Variants in DPP10 observed in about 807,000 individuals in gnomAD.
DPP10 encodes the protein dipeptidyl peptidase like 10, also known as inactive dipeptidyl peptidase 10.
In DPP10, 33 loss-of-function variants were observed where a neutral mutation model predicts 120.9. The ratio of observed to expected loss-of-function variants is 0.27; its 90% CI spans 0.21 to 0.37. The LOEUF (loss-of-function observed/expected upper bound fraction) is 0.37, where lower values mean the gene tolerates loss of function less well. DPP10 is among the 10% of genes least tolerant of loss of function. The probability of loss-of-function intolerance (pLI) is 1.00; values close to 1 mark genes in which losing one functional copy is unlikely to be tolerated. For missense variants in DPP10, 816 were observed against 942.8 expected, an observed-to-expected ratio of 0.87 and a Z score of 1.76; for synonymous variants, 337 against 326.1, an observed-to-expected ratio of 1.03 and a Z score of -0.36.
At chr2:114,572,402 G>A (rs1231705426) in intron 1 of DPP10, among the ~76,000 whole-genome samples, 1 of 152,168 alleles carries the variant, frequency 6.6e-6, no homozygotes, top group Non-Finnish European at 1.5e-5. Flanking sequence ...TTGTGAAGTA[G>A]ACGAAAAGAT....
At chr2:115,155,810 T>G (rs551165007) in intron 1 of DPP10, among the ~76,000 whole-genome samples, 1 of 152,358 alleles carries the variant, frequency 6.6e-6, no homozygotes, top group South Asian at 2.1e-4. Context: ...ATGATTCTTA[T>G]GAAGGTGTTA....
chr2:114,934,732 A>G (rs1203766589), intron 1 of DPP10, among the ~76,000 whole-genome samples: 1 of 152,100 alleles, frequency 6.6e-6, no homozygotes, highest in Non-Finnish European at 1.5e-5. Context: ...ACAAGATGGC[A>G]TATAGGAGGT....
In DPP10 at chr2:115,791,177, A is replaced by G. The variant is rs1284052061; in HGVS notation, c.1628A>G (p.Tyr543Cys). The change falls in exon 18 of 26, where the codon TAT becomes TGT. Residue 543 changes from tyrosine to cysteine, a missense_variant and splice_region_variant. Physicochemically the swap from Tyr to Cys is radical, Grantham distance 194. Transcript: ENST00000410059. ...ATTAAAATCCTTCATATTGACGACT[A>G]TGGTAAAATTTTGTGCATGCTATGT... Reference protein sequence around the residue: ...PEIKILHIDDYELPLQLSLPK... With the variant: ...PEIKILHIDDCELPLQLSLPK... 1.2e-6 allele frequency: 2 copies of G among 1,613,122 alleles called. No individual in the cohort carries two copies. Among genetic ancestry groups the G allele is most frequent in the Non-Finnish European group, 8.5e-7 (1 of 1,179,496 alleles).
intron 1 of DPP10, among the ~76,000 whole-genome samples, chr2:114,752,045 C>T (rs972957853): frequency 6.6e-6 from 1 of 152,026 alleles, no homozygotes; most frequent in Non-Finnish European, 1.5e-5. Flanking sequence ...TAGTTCCTAC[C>T]CCCAGAATTT....
At chr2:115,535,870 A>C (rs1023312765) in intron 5 of DPP10, among the ~76,000 whole-genome samples, 15 of 151,964 alleles carry the variant, frequency 9.9e-5, no homozygotes, top group Admixed American at 3.3e-4. Context: ...ATTCTCTTTG[A>C]AGCAATTGTG....
At chr2:115,562,502 A>G (rs1455805978) in intron 5 of DPP10, among the ~76,000 whole-genome samples, 4 of 152,194 alleles carry the variant, frequency 2.6e-5, no homozygotes, top group South Asian at 4.1e-4. Flanking sequence ...CTCCTGATCC[A>G]TGGTTAAAAC....
rs577079331 is a variant in DPP10, at chr2:115,167,600, G to C, written c.61-141639G>C. Among the ~76,000 whole-genome samples the C allele has an allele frequency of 9.4e-5, 11 of 116,426 alleles. No homozygotes were observed. The East Asian group carries it at 2.9e-3, about 31-fold the overall frequency. The allele number at this position is 116,426 out of a possible 152,430, so 76.4% of individuals were successfully genotyped here. On this transcript the variant is annotated intron_variant, in intron 1 of 25. Transcript: ENST00000410059. ...CTAGCTTGGGCAACAGAACGAGACC[G>C]TCTCAAAAAAAAAAAAAAAAAAAAG...
chr2:115,048,521 A>G (rs963596351), intron 1 of DPP10, among the ~76,000 whole-genome samples: 3 of 152,084 alleles, frequency 2.0e-5, no homozygotes, highest in African/African-American at 7.2e-5. Flanking sequence ...CCTGCTTAAA[A>G]TCACCAGTTG....
intron 1 of DPP10, among the ~76,000 whole-genome samples, chr2:115,011,837 C>G (rs772764000): frequency 1.3e-5 from 2 of 152,004 alleles, no homozygotes; most frequent in Non-Finnish European, 2.9e-5. Flanking sequence ...ACACTGAAAA[C>G]CTGTGAGTCT....
rs1230011248 is a variant in DPP10, at chr2:114,858,156, A to AT, written c.60+415324dup. On this transcript the variant is annotated intron_variant, in intron 1 of 25. Coordinates refer to ENST00000410059, the MANE Select transcript of DPP10 (RefSeq NM_020868.6). The stretch of plus-strand genomic sequence containing the variant: ...AGATGCACGCCGCCACACTCGGCTA[A>AT]TTTTTTGTATTTTAGTAGAGGCAGG... 2.6e-5 allele frequency among the ~76,000 whole-genome samples: 4 copies of AT among 151,922 alleles called. No homozygotes were observed. The South Asian group carries it at 8.3e-4, about 32-fold the overall frequency.
intron 5 of DPP10, among the ~76,000 whole-genome samples, chr2:115,532,279 G>C (rs369799084): frequency 4.6e-5 from 7 of 152,024 alleles, no homozygotes; most frequent in African/African-American, 1.7e-4. Flanking sequence ...AGAGGAGACA[G>C]ACTTAGAGAT....
At chr2:115,078,379 CA>C (rs1165392286) in intron 1 of DPP10, among the ~76,000 whole-genome samples, 1 of 151,900 alleles carries the variant, frequency 6.6e-6, no homozygotes, top group Non-Finnish European at 1.5e-5. Context: ...ATTTGTTATT[CA>C]AAAAAGATTA....
intron 1 of DPP10, among the ~76,000 whole-genome samples, chr2:115,218,120 T>G (rs1192568926): frequency 6.6e-6 from 1 of 152,218 alleles, no homozygotes; most frequent in Non-Finnish European, 1.5e-5. Flanking sequence ...TAAGCTGAAC[T>G]GAATATTGTA....
chr2:115,136,791 G>C (rs965234958), intron 1 of DPP10, among the ~76,000 whole-genome samples: 1 of 152,172 alleles, frequency 6.6e-6, no homozygotes, highest in African/African-American at 2.4e-5. Context: ...TGTTTCAGAG[G>C]TTGACCCAAG....
chr2:114,452,856 T>C (rs1678365240), intron 1 of DPP10, among the ~76,000 whole-genome samples: 4 of 152,168 alleles, frequency 2.6e-5, no homozygotes. Flanking sequence ...GCCATGGTGA[T>C]TACATGGTTT....
chr2:115,053,459 G>A (rs562513530), intron 1 of DPP10, among the ~76,000 whole-genome samples: 182 of 152,324 alleles, frequency 1.2e-3, no homozygotes, highest in Non-Finnish European at 2.1e-3. Context: ...GTTGCAAGTG[G>A]CAGGAGCTGA....
chr2:115,634,294 G>T (rs1485995038), intron 5 of DPP10, among the ~76,000 whole-genome samples: 2 of 152,064 alleles, frequency 1.3e-5, no homozygotes, highest in Non-Finnish European at 2.9e-5. Flanking sequence ...CTGGCTTTTT[G>T]AGTTTTCAAC....
intron 3 of DPP10, among the ~76,000 whole-genome samples, chr2:115,396,237 T>C (rs972061455): frequency 6.6e-6 from 1 of 152,184 alleles, no homozygotes. Flanking sequence ...CCTGTGCCTT[T>C]TCAAGAAGAG....
intron 3 of DPP10, among the ~76,000 whole-genome samples, chr2:115,431,418 T>C (rs1276297758): frequency 6.6e-6 from 1 of 152,118 alleles, no homozygotes; most frequent in Non-Finnish European, 1.5e-5. Flanking sequence ...CAGAAACTCT[T>C]GCATATTACT....
Sources: allele counts gnomAD v4.1 joint callset (sites outside exome capture counted in the v4.1 genomes callset), GRCh38; gene constraint gnomAD v4.1.1; transcripts MANE v1.5; gene names NCBI Gene and HGNC (gene_info 2026-07-23, HGNC 2026-07-21).